The following ABL1 variants were observed in gnomAD, a reference collection of about 807,000 sequenced individuals.
The protein encoded by ABL1 is tyrosine-protein kinase ABL1.
Under a neutral mutation model 94.7 loss-of-function variants are expected in ABL1, and 11 were observed. That is an observed-to-expected ratio of 0.12 (90% confidence interval 0.07 to 0.19). The LOEUF (loss-of-function observed/expected upper bound fraction) is 0.19. Ranked by LOEUF, ABL1 falls within the 10% of genes least tolerant of loss-of-function variation. ABL1 has a pLI of 1.00. For missense variants in ABL1, 1,082 were observed against 1,489.4 expected (o/e 0.73, Z 4.50); for synonymous variants, 656 against 622.4 (o/e 1.05, Z -0.80).
At chr9:130,815,041 A>C (rs1042664743) in intron 1 of ABL1, among the ~76,000 whole-genome samples, 1 of 151,728 alleles carries the variant, frequency 6.6e-6, no homozygotes, top group Non-Finnish European at 1.5e-5. Flanking sequence ...CTTAATTAAA[A>C]TAATCAGACA....
chr9:130,825,422 C>T (rs1250822989), intron 1 of ABL1, among the ~76,000 whole-genome samples: 1 of 152,148 alleles, frequency 6.6e-6, no homozygotes, highest in Non-Finnish European at 1.5e-5. Flanking sequence ...TTTACCAATT[C>T]AAAGTTAACA....
At chr9:130,788,056 T>C (rs1302703999) in intron 1 of ABL1, among the ~76,000 whole-genome samples, 1 of 152,224 alleles carries the variant, frequency 6.6e-6, no homozygotes, top group Non-Finnish European at 1.5e-5. Flanking sequence ...TTTCTTCACC[T>C]GTCCCTCAGC....
intron 1 of ABL1, among the ~76,000 whole-genome samples, chr9:130,721,045 G>A (rs745332666): frequency 4.0e-5 from 6 of 150,466 alleles, no homozygotes; most frequent in Non-Finnish European, 8.9e-5. Flanking sequence ...AACCACTTAT[G>A]GTTCTCAAAA....
intron 1 of ABL1, among the ~76,000 whole-genome samples, chr9:130,767,227 T>C (rs1239693077): frequency 6.6e-6 from 1 of 152,258 alleles, no homozygotes; most frequent in Admixed American, 6.5e-5. Context: ...CATCTGAAAC[T>C]ACCTCATTCA....
intron 1 of ABL1, among the ~76,000 whole-genome samples, chr9:130,809,415 A>AGTGTGTGT: frequency 1.0e-5 from 1 of 97,518 alleles, no homozygotes; most frequent in South Asian, 4.0e-4. Context: ...AGAGAGAGAG[A>AGTGTGTGT]GAGTGTGTGT....
At chr9:130,864,713 G>T (rs1831127764) in intron 4 of ABL1, among the ~76,000 whole-genome samples, 1 of 152,174 alleles carries the variant, frequency 6.6e-6, no homozygotes, top group Admixed American at 6.5e-5. Flanking sequence ...CAGTCCTCGG[G>T]ACACCACCAG....
At chr9:130,787,331 T>C (rs1172278240) in intron 1 of ABL1, among the ~76,000 whole-genome samples, 3 of 152,166 alleles carry the variant, frequency 2.0e-5, no homozygotes, top group African/African-American at 7.2e-5. Context: ...CCATGCCACC[T>C]GGACTCTGCC....
rs372671026 is a variant in ABL1, at chr9:130,854,774, T to G, written c.254-27T>G. On this transcript the variant is annotated intron_variant, in intron 2 of 10. Transcript: ENST00000318560. Reference sequence around the variant, plus strand: ...ACGAAGCTGGTTTCCAAAGCTGATATGTCTGATTTGGTTCCTTTCTTCTCA... The same window carrying G: ...ACGAAGCTGGTTTCCAAAGCTGATAGGTCTGATTTGGTTCCTTTCTTCTCA... 78 of 1,593,852 alleles carry G rather than the reference T, an allele frequency of 4.9e-5. No homozygotes were observed. The African/African-American group carries it at 7.1e-4, about 15-fold the overall frequency.
chr9:130,863,080 C>T lies in ABL1; in HGVS notation c.822+45C>T, dbSNP rs758306778. On this transcript the variant is annotated intron_variant, in intron 4 of 10. Transcript: ENST00000318560. This position sits in a 1 kb window ranked among gnomAD's most constrained non-coding sequence, Gnocchi z 4.3. The stretch of plus-strand genomic sequence containing the variant: ...GGTGCCCAGGGTACGTGGGGCAAGG[C>T]GTCTGCTGGCATTAGGCGATGCATC... 4.1e-5 allele frequency: 63 copies of T among 1,535,146 alleles called. No homozygotes were observed. The highest frequency in any genetic ancestry group is 5.4e-5 in the Non-Finnish European group (62 of 1,137,670).
intron 1 of ABL1, among the ~76,000 whole-genome samples, chr9:130,793,217 C>T (rs1395523434): frequency 3.9e-5 from 6 of 152,172 alleles, no homozygotes; most frequent in African/African-American, 7.2e-5. Context: ...TGAGCCACCG[C>T]GCCTGGCCAA....
At chr9:130,812,200 CAAAA>C (rs35352789) in intron 1 of ABL1, among the ~76,000 whole-genome samples, 2,985 of 48,620 alleles carry the variant, frequency 0.061, 69 homozygotes, top group African/African-American at 0.18. Context: ...TCCATCTCTA[CAAAA>C]AAAAAAAAAA....
At position 130,736,106 on chromosome 9, in the gene ABL1, C is replaced by G. The variant is rs180702389; in HGVS notation, c.136+21651C>G. Among the ~76,000 whole-genome samples the G allele has an allele frequency of 3.1e-4, 47 of 151,638 alleles. No homozygotes were observed. The South Asian group carries it at 7.3e-3, about 23-fold the overall frequency. ...TAGTAGCTGGAACTATAAATGTATA[C>G]CACTATGCCTGGCTGTTTTTTGTAT... On this transcript the variant is annotated intron_variant, in intron 1 of 10. Coordinates refer to the ABL1 transcript ENST00000372348.
At position 130,884,335 on chromosome 9, in the gene ABL1, G is replaced by C. The variant is rs772400589; in HGVS notation, c.2045G>C (p.Arg682Pro). The C allele has an allele frequency of 1.2e-6, 2 of 1,612,008 alleles. No homozygotes were observed. Among genetic ancestry groups the C allele is most frequent in the Admixed American group, 3.3e-5 (2 of 59,958 alleles). The change falls in exon 11 of 11, where the codon CGG becomes CCG. Residue 682 changes from arginine (R) to proline (P), a missense_variant. Transcript: ENST00000318560. The surrounding 1 kb of genome is among the most constrained non-coding windows in gnomAD (Gnocchi z 5.6). ...ALRESGGSGF[R>P]SPHLWKKSST... ...CGGGAGTCCGGGGGCTCAGGCTTCCGGTCTCCCCACCTGTGGAAGAAGTCC... is the reference window on the plus strand; with the variant it reads ...CGGGAGTCCGGGGGCTCAGGCTTCCCGTCTCCCCACCTGTGGAAGAAGTCC...
At chr9:130,878,699 A>C in intron 8 of ABL1, 132 bp downstream of exon 8, 1 of 1,132,472 alleles carries the variant, frequency 8.8e-7, no homozygotes. Flanking sequence ...GATGCAGCTA[A>C]TGTAGCCATT....
chr9:130,787,583 A>G (rs1334642266), intron 1 of ABL1, among the ~76,000 whole-genome samples: 3 of 151,938 alleles, frequency 2.0e-5, no homozygotes, highest in Admixed American at 2.0e-4. Context: ...TAGGTCTGAG[A>G]GAGGGGCTCA....
intron 1 of ABL1, among the ~76,000 whole-genome samples, chr9:130,816,724 C>G (rs532291598): frequency 2.0e-5 from 3 of 152,118 alleles, no homozygotes; most frequent in Admixed American, 1.3e-4. Context: ...AAACCTGAGA[C>G]AGAGTCTTGC....
At chr9:130,752,097 G>A (rs1486401895) in intron 1 of ABL1, among the ~76,000 whole-genome samples, 1 of 152,138 alleles carries the variant, frequency 6.6e-6, no homozygotes, top group Non-Finnish European at 1.5e-5. Flanking sequence ...TGCACACTTG[G>A]GAATGTGCAC....
chr9:130,854,058 T>G lies in ABL1; in HGVS notation c.80-6T>G. ...TCTTTTTTCTGTTCCCCCCTTTCTC[T>G]TCCAGAAGCCCTTCAGCGGCCAGTA... is the stretch of plus-strand genomic sequence containing the variant. On this transcript the variant is annotated splice_polypyrimidine_tract_variant and splice_region_variant and intron_variant, in intron 1 of 10. Coordinates refer to ENST00000318560, the MANE Select transcript of ABL1 (RefSeq NM_005157.6). The G allele has an allele frequency of 6.3e-7, 1 of 1,594,750 alleles. No individual in the cohort carries two copies. The highest frequency in any genetic ancestry group is 2.2e-5 in the East Asian group (1 of 44,704).
At chr9:130,743,674 A>G (rs893433522) in intron 1 of ABL1, among the ~76,000 whole-genome samples, 1 of 152,212 alleles carries the variant, frequency 6.6e-6, no homozygotes, top group Non-Finnish European at 1.5e-5. Flanking sequence ...TTGGGAGTCC[A>G]GGGAGTTTCC....
Sources: allele counts gnomAD v4.1 joint callset (sites outside exome capture counted in the v4.1 genomes callset), GRCh38; gene constraint gnomAD v4.1.1; non-coding constraint Gnocchi (gnomAD v3.1); transcripts MANE v1.5; gene names NCBI Gene and HGNC (gene_info 2026-07-23, HGNC 2026-07-21).